The following RSRC1 variants were observed in gnomAD, a reference collection of about 807,000 sequenced individuals.
RSRC1 encodes the protein arginine and serine rich coiled-coil 1, also known as serine/Arginine-related protein 53.
In RSRC1, 39 loss-of-function variants were observed where a neutral mutation model predicts 49.1. That is an observed-to-expected ratio of 0.79 (90% CI 0.61 to 1.04). RSRC1 has a LOEUF of 1.04. Among genes scored for constraint, RSRC1 ranks in the 50% least tolerant of loss-of-function variants. The pLI is 0.00. For missense variants in RSRC1, 388 were observed against 402.4 expected (o/e 0.96, Z 0.31); for synonymous variants, 143 against 130.8 (o/e 1.09, Z -0.63).
chr3:158,370,513 G>A (rs1732009266), intron 6 of RSRC1, among the ~76,000 whole-genome samples: 2 of 151,876 alleles, frequency 1.3e-5, no homozygotes, highest in South Asian at 2.1e-4. Flanking sequence ...CATATAGTAT[G>A]TAGTGTTTTG....
intron 4 of RSRC1, among the ~76,000 whole-genome samples, chr3:158,220,286 A>G (rs186196318): frequency 1.3e-5 from 2 of 151,654 alleles, no homozygotes; most frequent in African/African-American, 4.8e-5. Context: ...AACTTGAAAT[A>G]CTCATACATA....
At chr3:158,355,050 G>A (rs1394399957) in intron 6 of RSRC1, 142 bp downstream of exon 6, 2 of 489,788 alleles carry the variant, frequency 4.1e-6, no homozygotes, top group Non-Finnish European at 3.6e-6. Context: ...TATATGTATG[G>A]CCATATATTA....
At chr3:158,278,602 A>T (rs1228225089) in intron 4 of RSRC1, among the ~76,000 whole-genome samples, 1 of 152,214 alleles carries the variant, frequency 6.6e-6, no homozygotes, top group African/African-American at 2.4e-5. Context: ...CATTTGCCTT[A>T]TCTCTTCACT....
chr3:158,303,696 T>G (rs1233543354), intron 5 of RSRC1: 1 of 152,226 alleles, frequency 6.6e-6, no homozygotes, highest in Non-Finnish European at 1.5e-5. Context: ...ATGTTTTCAT[T>G]GTATTCATTG....
At chr3:158,159,506 C>T (rs1321121662) in intron 3 of RSRC1, among the ~76,000 whole-genome samples, 1 of 151,828 alleles carries the variant, frequency 6.6e-6, no homozygotes, top group Non-Finnish European at 1.5e-5. Flanking sequence ...ATGATTTATC[C>T]CCATTTCATA....
At chr3:158,197,956 A>G (rs918951850) in intron 3 of RSRC1, among the ~76,000 whole-genome samples, 7 of 152,138 alleles carry the variant, frequency 4.6e-5, no homozygotes, top group African/African-American at 1.7e-4. Context: ...GCTAAAAAGA[A>G]TGTATATTCT....
intron 4 of RSRC1, among the ~76,000 whole-genome samples, chr3:158,219,435 A>G (rs1341552348): frequency 1.3e-5 from 2 of 151,470 alleles, no homozygotes; most frequent in Non-Finnish European, 1.5e-5. Context: ...CTCAATTCCT[A>G]TTCTTTCCCT....
At chr3:158,464,365 G>A (rs537507044) in intron 7 of RSRC1, among the ~76,000 whole-genome samples, 4 of 152,094 alleles carry the variant, frequency 2.6e-5, no homozygotes, top group Non-Finnish European at 5.9e-5. Context: ...TCCTATTTGT[G>A]GTATAAGTAT....
chr3:158,515,203 T>C (rs1740443822), intron 7 of RSRC1, among the ~76,000 whole-genome samples: 1 of 152,176 alleles, frequency 6.6e-6, no homozygotes, highest in Non-Finnish European at 1.5e-5. Context: ...ATGCAGTTTC[T>C]TCCTAGTTGG....
At chr3:158,187,814 A>G (rs955216072) in intron 3 of RSRC1, among the ~76,000 whole-genome samples, 3 of 151,978 alleles carry the variant, frequency 2.0e-5, no homozygotes, top group African/African-American at 7.2e-5. Context: ...TTGCTGGTGG[A>G]TATATTTGTA....
intron 5 of RSRC1, among the ~76,000 whole-genome samples, chr3:158,350,394 G>A (rs749866694): frequency 1.3e-5 from 2 of 151,586 alleles, no homozygotes; most frequent in South Asian, 2.1e-4. Context: ...GGCTGGTCTC[G>A]AACTTGTGAG....
intron 4 of RSRC1, among the ~76,000 whole-genome samples, chr3:158,252,102 G>T (rs1223078096): frequency 6.6e-6 from 1 of 151,572 alleles, no homozygotes; most frequent in Non-Finnish European, 1.5e-5. Context: ...TGATTGATTT[G>T]CATATGTTGA....
intron 4 of RSRC1, among the ~76,000 whole-genome samples, chr3:158,236,633 C>T (rs771751295): frequency 6.6e-6 from 1 of 152,130 alleles, no homozygotes. Flanking sequence ...CATGCTGTTG[C>T]ATGTATTGGT....
intron 6 of RSRC1, among the ~76,000 whole-genome samples, chr3:158,373,083 T>G (rs992930431): frequency 6.6e-6 from 1 of 151,896 alleles, no homozygotes; most frequent in Non-Finnish European, 1.5e-5. Context: ...GATTACTAGT[T>G]TTTAAAAGAT....
rs1052749786 is a variant in RSRC1 at position 158,456,127 on chromosome 3, A to G, written c.584-4808A>G. 7.9e-5 allele frequency among the ~76,000 whole-genome samples: 12 copies of G among 152,058 alleles called. No homozygotes were observed. In the South Asian group the frequency reaches 1.9e-3, roughly 24 times the overall value. On this transcript the variant is annotated intron_variant, in intron 6 of 9. Coordinates refer to ENST00000611884, the MANE Select transcript of RSRC1 (RefSeq NM_001271838.2). ...AAAGTGGACATAACAAACAACCCCA[A>G]AACTTCATTGCCTTAAAATAATATA...
intron 6 of RSRC1, among the ~76,000 whole-genome samples, chr3:158,410,183 A>C (rs1003035419): frequency 6.6e-6 from 1 of 152,110 alleles, no homozygotes; most frequent in Non-Finnish European, 1.5e-5. Flanking sequence ...ACCTACTGGA[A>C]TTCTTAATAT....
intron 4 of RSRC1, among the ~76,000 whole-genome samples, chr3:158,289,925 A>ATCCG (rs66931443): frequency 9.2e-5 from 3 of 32,566 alleles, no homozygotes; most frequent in African/African-American, 4.7e-4. Context: ...CTATCTTTCT[A>ATCCG]TCCATCCATC....
At chr3:158,284,985 T>C (rs999243109) in intron 4 of RSRC1, among the ~76,000 whole-genome samples, 10 of 152,222 alleles carry the variant, frequency 6.6e-5, no homozygotes, top group Non-Finnish European at 1.2e-4. Flanking sequence ...ATGTCCTGAA[T>C]GGTATTGCCT....
At chr3:158,125,061 C>G (rs1715528005) in intron 3 of RSRC1, among the ~76,000 whole-genome samples, 1 of 152,132 alleles carries the variant, frequency 6.6e-6, no homozygotes, top group South Asian at 2.1e-4. Context: ...TCAACTGGTC[C>G]TCCCACCTTA....
Sources: gnomAD v4.1 joint callset for allele counts (sites outside exome capture counted in the v4.1 genomes callset) on GRCh38, gnomAD v4.1.1 for gene constraint, MANE v1.5 for transcripts, NCBI Gene and HGNC (gene_info 2026-07-23, HGNC 2026-07-21) for gene names.